The following HMCN1 variants were observed in gnomAD, a reference collection of about 807,000 sequenced individuals.
HMCN1 encodes the protein hemicentin 1, also known as hemicentin-1.
HMCN1 carries 321 observed loss-of-function variants against 625.9 expected under a neutral mutation model. The ratio of observed to expected loss-of-function variants is 0.51; its 90% CI spans 0.47 to 0.56. The LOEUF is 0.56. Among genes scored for constraint, HMCN1 ranks in the 20% least tolerant of loss-of-function variants. The pLI is 0.00. For synonymous variants in HMCN1, 2,425 were observed against 2,417.6 expected (o/e 1.00, Z -0.09); for missense variants, 6,588 against 6,887.3 (o/e 0.96, Z 1.54).
chr1:185,902,244 T>G (rs1665842978), intron 4 of HMCN1, among the ~76,000 whole-genome samples: 1 of 151,632 alleles, frequency 6.6e-6, no homozygotes, highest in African/African-American at 2.4e-5. Flanking sequence ...TATATAAATT[T>G]TTTTTTTGTT....
In HMCN1 at chr1:185,965,713, AT is replaced by A. The variant is rs1650356078; in HGVS notation, c.2099-84del. The A allele has an allele frequency of 9.8e-6, 8 of 813,916 alleles. No homozygotes were observed. The South Asian group carries it at 1.1e-4, about 11-fold the overall frequency. 50.4% of individuals were successfully genotyped at this position (813,916 alleles called of 1,614,324 possible). A position where few individuals can be genotyped will look rare whatever the true frequency, so the allele number is the denominator to read the frequency against. ...TATTGAAATGGCCACAAGCACATAAATTTTTAAATTGGTTCATTTAGTAAAC... is the reference window on the plus strand; with the variant it reads ...TATTGAAATGGCCACAAGCACATAAATTTTAAATTGGTTCATTTAGTAAAC... On this transcript the variant is annotated intron_variant, in intron 13 of 106. Transcript: ENST00000271588.
chr1:186,184,698 G>GT (rs1324211406), intron 105 of HMCN1, among the ~76,000 whole-genome samples: 1 of 152,128 alleles, frequency 6.6e-6, no homozygotes, highest in African/African-American at 2.4e-5. Flanking sequence ...GATGTTTCAA[G>GT]TATGTTTATC....
intron 2 of HMCN1, 51 bp from the exon 3 acceptor site, chr1:185,864,419 T>A: frequency 5.0e-6 from 8 of 1,585,086 alleles, no homozygotes; most frequent in Non-Finnish European, 6.9e-6. Flanking sequence ...AACCAAAATA[T>A]TCAATTGTTT....
chr1:185,744,427 C>T (rs1654243503), intron 1 of HMCN1, among the ~76,000 whole-genome samples: 1 of 152,078 alleles, frequency 6.6e-6, no homozygotes, highest in Non-Finnish European at 1.5e-5. Context: ...TCCTTTGAGC[C>T]CTAGGCCACT....
rs767961603 is a variant in HMCN1, at chr1:186,114,839, G to A, written c.11297G>A (p.Gly3766Glu). 1 of 1,613,986 alleles carries A rather than the reference G, an allele frequency of 6.2e-7. No individual in the cohort carries two copies. The highest frequency in any genetic ancestry group is 2.2e-5 in the East Asian group (1 of 44,898). The stretch of plus-strand genomic sequence containing the variant: ...TGTAGATATTCCATCTTGGAAAATG[G>A]ATTCCTTCATATTCAATCAGCACAT... ...NHARYSILENGFLHIQSAHVT... is the reference protein window; with the variant it reads ...NHARYSILENEFLHIQSAHVT... The change falls in exon 74 of 107, where the codon GGA (glycine) becomes GAA (glutamate). Residue 3766 changes from glycine to glutamate, a missense_variant. This residue lies in a region of HMCN1 where 4,628 missense variants were observed against 4,853.1 expected (regional missense o/e 0.95). Coordinates refer to ENST00000271588, the MANE Select transcript of HMCN1 (RefSeq NM_031935.3).
At chr1:186,115,879 A>G (rs1397728117) in intron 75 of HMCN1, among the ~76,000 whole-genome samples, 1 of 151,264 alleles carries the variant, frequency 6.6e-6, no homozygotes, top group Non-Finnish European at 1.5e-5. Flanking sequence ...CTTTTTTCCA[A>G]GCTTTAATAC....
Position 185,734,936 on chromosome 1 carries a change from T to C in HMCN1, c.157T>C (p.Tyr53His). The C allele has an allele frequency of 6.2e-7, 1 of 1,614,150 alleles. No individual in the cohort carries two copies. The highest frequency in any genetic ancestry group is 1.1e-5 in the South Asian group (1 of 91,072). Residue 53 changes from tyrosine to histidine, a missense_variant, in exon 1 of 107, where the codon TAT (tyrosine) becomes CAT (histidine). Tyr to His is a moderately conservative substitution (Grantham distance 83). Around this residue, in one of 3 missense-constraint regions of HMCN1, gnomAD observed 4,628 missense variants for 4,853.1 expected, o/e 0.95. Transcript: ENST00000271588. ...TGTGTTTGATGTGACTGGTTCTATG[T>C]ATGATGATTTAGTTCAGGTGATTGA... ...AFVFDVTGSM[Y>H]DDLVQVIEGA...
chr1:185,970,423 T>C lies in HMCN1; in HGVS notation c.2301T>C (p.Ala767=). Residue 767 remains alanine (A), a synonymous_variant, in exon 15 of 107, where the codon GCT becomes GCC. Transcript: ENST00000271588. ...LKIQETQDLD[A]GDYTCVAINE... ...TTCAAGAAACACAAGATCTGGATGC[T>C]GGCGATTATACCTGTGTAGCCATCA... 6.2e-7 allele frequency: 1 copy of C among 1,613,876 alleles called. No individual in the cohort carries two copies. The highest frequency in any genetic ancestry group is 8.5e-7 in the Non-Finnish European group (1 of 1,179,744).
intron 1 of HMCN1, among the ~76,000 whole-genome samples, chr1:185,758,911 C>G (rs1222744133): frequency 6.6e-6 from 1 of 151,940 alleles, no homozygotes; most frequent in Non-Finnish European, 1.5e-5. Flanking sequence ...GGTTAAATAC[C>G]TCATCTAAGA....
intron 1 of HMCN1, among the ~76,000 whole-genome samples, chr1:185,736,044 G>C (rs1430979646): frequency 6.6e-6 from 1 of 152,176 alleles, no homozygotes; most frequent in African/African-American, 2.4e-5. Flanking sequence ...TCTTCACAAC[G>C]AGAGTGTGAT....
At chr1:186,062,400 G>T in intron 47 of HMCN1, 114 bp from the exon 48 acceptor site, 1 of 712,644 alleles carries the variant, frequency 1.4e-6, no homozygotes, top group Non-Finnish European at 2.5e-6. Context: ...TAATGAATGT[G>T]GATTGGGGGA....
At chr1:186,163,361 G>A (rs1006335375) in intron 97 of HMCN1, among the ~76,000 whole-genome samples, 7 of 152,086 alleles carry the variant, frequency 4.6e-5, no homozygotes, top group South Asian at 4.2e-4. Context: ...TGCACTTCCC[G>A]AGTGAGGCAA....
chr1:185,979,498 G>A (rs573499170), intron 16 of HMCN1, among the ~76,000 whole-genome samples: 13 of 152,290 alleles, frequency 8.5e-5, no homozygotes, highest in South Asian at 8.3e-4. Flanking sequence ...CCTAATTGTC[G>A]AAATTAAATT....
At chr1:186,023,515 A>G (rs1654860763) in intron 36 of HMCN1, among the ~76,000 whole-genome samples, 1 of 152,118 alleles carries the variant, frequency 6.6e-6, no homozygotes, top group African/African-American at 2.4e-5. Context: ...GCCTGCCTAT[A>G]AGAAGGATTT....
At chr1:186,100,112 T>A (rs897148272) in intron 68 of HMCN1, among the ~76,000 whole-genome samples, 1 of 151,936 alleles carries the variant, frequency 6.6e-6, no homozygotes, top group African/African-American at 2.4e-5. Flanking sequence ...CACAGACTGG[T>A]GCATTTCTGG....
chr1:186,083,586 C>T (rs546008179), intron 57 of HMCN1, among the ~76,000 whole-genome samples: 1 of 148,800 alleles, frequency 6.7e-6, no homozygotes, highest in East Asian at 2.0e-4. Context: ...AGAATATTAA[C>T]TTGGAAATGG....
intron 30 of HMCN1, among the ~76,000 whole-genome samples, chr1:186,011,334 G>A (rs1653988894): frequency 6.6e-6 from 1 of 152,160 alleles, no homozygotes; most frequent in South Asian, 2.1e-4. Flanking sequence ...ATGAGCCATC[G>A]CGCCCAGCCT....
chr1:185,979,242 A>G (rs1380671824), intron 16 of HMCN1, among the ~76,000 whole-genome samples: 1 of 152,086 alleles, frequency 6.6e-6, no homozygotes, highest in East Asian at 1.9e-4. Context: ...GGATTTGATG[A>G]GCTAGAAGTT....
At chr1:186,094,626 T>G (rs1233153846) in intron 67 of HMCN1, among the ~76,000 whole-genome samples, 1 of 152,152 alleles carries the variant, frequency 6.6e-6, no homozygotes, top group Non-Finnish European at 1.5e-5. Flanking sequence ...AAATAGCATT[T>G]CAATCCAGAC....
Sources: allele counts gnomAD v4.1 joint callset (sites outside exome capture counted in the v4.1 genomes callset), GRCh38; gene constraint gnomAD v4.1.1; regional missense constraint gnomAD v4.1.1; transcripts MANE v1.5; gene names NCBI Gene and HGNC (gene_info 2026-07-23, HGNC 2026-07-21).